TTC1: variants seen among roughly 807,000 people sequenced by gnomAD.
The protein encoded by TTC1 is tetratricopeptide repeat domain 1.
A neutral mutation model predicts 37.6 loss-of-function variants in TTC1; 31 were observed. The ratio of observed to expected loss-of-function variants is 0.82; its 90% CI spans 0.62 to 1.11. The LOEUF is 1.11. TTC1 is among the 50% of genes most tolerant of loss of function. TTC1 has a pLI of 0.00. For synonymous variants in TTC1, 127 were observed against 122.4 expected, an observed-to-expected ratio of 1.04 and a Z score of -0.25; for missense variants, 351 against 339.0, an observed-to-expected ratio of 1.04 and a Z score of -0.28.
In TTC1 at chr5:160,009,175, C is replaced by G. The variant is rs1179490246; in HGVS notation, c.-48C>G. 1.3e-5 allele frequency: 2 copies of G among 152,192 alleles called. No individual in the cohort carries two copies. The highest frequency in any genetic ancestry group is 2.1e-4 in the South Asian group (1 of 4,826). The allele number at this position is 152,192 out of a possible 1,614,324, so 9.4% of individuals were successfully genotyped here. ...CTCTCAGAGGCTAAGAAGGTGGAGA[C>G]CGGAGAAGCTGTGAGGTTGTGAGTA... On this transcript the variant is annotated 5_prime_UTR_variant, in exon 1 of 8. Coordinates refer to ENST00000231238, the MANE Select transcript of TTC1 (RefSeq NM_003314.3).
chr5:160,016,507 G>A (rs958903493), intron 2 of TTC1, among the ~76,000 whole-genome samples: 3 of 152,064 alleles, frequency 2.0e-5, no homozygotes, highest in Non-Finnish European at 4.4e-5. Context: ...TTCTTTTAAG[G>A]CTATGTGAAA....
chr5:160,023,183 T>G (rs1028282097), intron 2 of TTC1, among the ~76,000 whole-genome samples: 11 of 149,564 alleles, frequency 7.4e-5, no homozygotes, highest in Non-Finnish European at 1.5e-4. Flanking sequence ...TTGAACCCGG[T>G]AGGCGGAGGT....
chr5:160,040,259 T>TA (rs1757064326), intron 4 of TTC1, among the ~76,000 whole-genome samples: 1 of 151,538 alleles, frequency 6.6e-6, no homozygotes, highest in Admixed American at 6.6e-5. Flanking sequence ...CACACACACA[T>TA]ATGTATACAC....
At chr5:160,062,687 C>T (rs1462052426) in intron 7 of TTC1, among the ~76,000 whole-genome samples, 2 of 152,212 alleles carry the variant, frequency 1.3e-5, no homozygotes, top group Non-Finnish European at 2.9e-5. Flanking sequence ...CACCATGGAG[C>T]TGCCCCTCCT....
At chr5:160,062,425 C>G (rs1270606663) in intron 7 of TTC1, among the ~76,000 whole-genome samples, 1 of 152,184 alleles carries the variant, frequency 6.6e-6, no homozygotes, top group South Asian at 2.1e-4. Flanking sequence ...GTAGCCTCTT[C>G]GTGCCACTGC....
At chr5:160,025,619 A>G (rs1756788077) in intron 2 of TTC1, among the ~76,000 whole-genome samples, 1 of 152,226 alleles carries the variant, frequency 6.6e-6, no homozygotes, top group Non-Finnish European at 1.5e-5. Flanking sequence ...GAAGCATATA[A>G]GTTCTGTGAG....
intron 7 of TTC1, among the ~76,000 whole-genome samples, chr5:160,064,580 C>T (rs555345500): frequency 2.5e-4 from 38 of 152,304 alleles, no homozygotes; most frequent in African/African-American, 9.1e-4. Flanking sequence ...CCTTGAGCCT[C>T]ACTGGAACAG....
At position 160,057,268 on chromosome 5, in the gene TTC1, G is replaced by A. The variant is rs556387693; in HGVS notation, c.745+6085G>A. ...AATTTACCCAAGGTCAAATACAGGC[G>A]TACCTCAGAGATGTTGCAGGTTCAG... is the stretch of plus-strand genomic sequence containing the variant. On this transcript the variant is annotated intron_variant, in intron 7 of 7. Coordinates refer to ENST00000231238, the MANE Select transcript of TTC1 (RefSeq NM_003314.3). The surrounding 1 kb of genome is among the most constrained non-coding windows in gnomAD (Gnocchi z 4.4). Among the ~76,000 whole-genome samples the A allele has an allele frequency of 3.3e-5, 5 of 152,212 alleles. 1 individual carries two copies. The highest frequency in any genetic ancestry group is 3.9e-4 in the East Asian group (2 of 5,180).
chr5:160,038,043 CG>C (rs896986831), intron 4 of TTC1, among the ~76,000 whole-genome samples: 13 of 150,498 alleles, frequency 8.6e-5, no homozygotes, highest in Non-Finnish European at 1.8e-4. Flanking sequence ...GGCAGGGTTG[CG>C]GGGGTGGGTG....
In TTC1 at chr5:160,010,706, G is replaced by A. The variant is rs556412884; in HGVS notation, c.178G>A (p.Glu60Lys). 3.7e-6 allele frequency: 6 copies of A among 1,613,788 alleles called. No homozygotes were observed. Among genetic ancestry groups the A allele is most frequent in the South Asian group, 1.1e-5 (1 of 91,034 alleles). ...CCATCTCCAGGAGGACCAGGGAGAAGAGGAGTGTTTTCATGACTGCAGTGC... is the reference window on the plus strand; with the variant it reads ...CCATCTCCAGGAGGACCAGGGAGAAAAGGAGTGTTTTCATGACTGCAGTGC... ...EAHLQEDQGE[E>K]ECFHDCSASF... Residue 60 changes from glutamate to lysine, a missense_variant, in exon 2 of 8, where the codon GAG becomes AAG. Transcript: ENST00000231238.
intron 7 of TTC1, among the ~76,000 whole-genome samples, chr5:160,053,877 T>A (rs146735296): frequency 6.6e-6 from 1 of 152,346 alleles, no homozygotes; most frequent in East Asian, 1.9e-4. Context: ...GAAAAAATCC[T>A]GATAGGAATT....
intron 2 of TTC1, among the ~76,000 whole-genome samples, chr5:160,017,235 G>A (rs766527089): frequency 6.6e-6 from 1 of 152,140 alleles, no homozygotes; most frequent in Non-Finnish European, 1.5e-5. Flanking sequence ...TGTTGGAGCT[G>A]CTATAACAAA....
chr5:160,065,112 T>C lies in TTC1; in HGVS notation c.*47T>C. 1 of 1,593,170 alleles carries C rather than the reference T, an allele frequency of 6.3e-7. No homozygotes were observed. The highest frequency in any genetic ancestry group is 1.1e-5 in the South Asian group (1 of 87,734). On this transcript the variant is annotated 3_prime_UTR_variant, in exon 8 of 8. Coordinates refer to ENST00000231238, the MANE Select transcript of TTC1 (RefSeq NM_003314.3). Reference sequence around the variant, plus strand: ...AAGCTGACTTGGAATTGTGTGCTGCTTGCTGTTAGCTAGGGGAAAGGCCCT... The same window carrying C: ...AAGCTGACTTGGAATTGTGTGCTGCCTGCTGTTAGCTAGGGGAAAGGCCCT...
At chr5:160,043,281 C>G (rs1442100085) in intron 5 of TTC1, 112 bp downstream of exon 5, 2 of 981,004 alleles carry the variant, frequency 2.0e-6, no homozygotes, top group African/African-American at 1.7e-5. Flanking sequence ...TGGGGCCTTG[C>G]AAGAGGCAAC....
At chr5:160,054,592 C>CCTGT (rs1279180235) in intron 7 of TTC1, among the ~76,000 whole-genome samples, 1 of 151,588 alleles carries the variant, frequency 6.6e-6, no homozygotes, top group Non-Finnish European at 1.5e-5. Flanking sequence ...GAGCCAAGAC[C>CCTGT]CTGTCTCAAA....
At chr5:160,054,028 C>T (rs1445576755) in intron 7 of TTC1, among the ~76,000 whole-genome samples, 2 of 152,130 alleles carry the variant, frequency 1.3e-5, no homozygotes, top group Non-Finnish European at 1.5e-5. Flanking sequence ...AGCATCAAGA[C>T]GATCACTTGA....
intron 2 of TTC1, among the ~76,000 whole-genome samples, chr5:160,011,594 C>T (rs1756503346): frequency 6.6e-6 from 1 of 152,196 alleles, no homozygotes; most frequent in African/African-American, 2.4e-5. Context: ...AATGTAATAA[C>T]AAAAACATCT....
At chr5:160,045,453 TCC>T (rs1561634634) in intron 5 of TTC1, among the ~76,000 whole-genome samples, 22 of 34,012 alleles carry the variant, frequency 6.5e-4, no homozygotes, top group Non-Finnish European at 1.0e-3. Context: ...TCCCCCACCC[TCC>T]ACACACACAC....
At chr5:160,047,261 C>T (rs1448471037) in intron 5 of TTC1, among the ~76,000 whole-genome samples, 1 of 152,174 alleles carries the variant, frequency 6.6e-6, no homozygotes, top group Non-Finnish European at 1.5e-5. Flanking sequence ...CCCCCACACA[C>T]ACACAAAACT....
Sources: gnomAD v4.1 joint callset for allele counts (sites outside exome capture counted in the v4.1 genomes callset) on GRCh38, gnomAD v4.1.1 for gene constraint, Gnocchi (gnomAD v3.1) non-coding constraint, MANE v1.5 for transcripts, NCBI Gene and HGNC (gene_info 2026-07-23, HGNC 2026-07-21) for gene names.